The following NAV1 variants were observed in gnomAD, a reference collection of about 807,000 sequenced individuals.
The protein encoded by NAV1 is pore membrane and/or filament interacting like protein 3.
NAV1 carries 18 observed loss-of-function variants against 175.2 expected under a neutral mutation model. The observed-to-expected ratio is 0.10, with a 90% CI of 0.07 to 0.15. The LOEUF is 0.15. Among genes scored for constraint, NAV1 ranks in the 10% least tolerant of loss-of-function variants. NAV1 has a pLI of 1.00. For synonymous variants in NAV1, 897 were observed against 978.7 expected (o/e 0.92, Z 1.56); for missense variants, 1,731 against 2,436.6 (o/e 0.71, Z 6.10).
intron 1 of NAV1, among the ~76,000 whole-genome samples, chr1:201,688,836 G>A (rs1023688648): frequency 6.6e-6 from 1 of 152,184 alleles, no homozygotes; most frequent in Non-Finnish European, 1.5e-5. Flanking sequence ...GAATGAAATT[G>A]GCTCTCACTT....
intron 1 of NAV1, among the ~76,000 whole-genome samples, chr1:201,659,975 G>A (rs1441106597): frequency 6.6e-6 from 1 of 152,176 alleles, no homozygotes; most frequent in Non-Finnish European, 1.5e-5. Flanking sequence ...ATCTGGTTTT[G>A]CCGTGGAGTC....
At chr1:201,556,942 T>C (rs1666036626) in intron 1 of NAV1, among the ~76,000 whole-genome samples, 1 of 152,152 alleles carries the variant, frequency 6.6e-6, no homozygotes, top group South Asian at 2.1e-4. Context: ...CTCAGACCAG[T>C]AGACTCGTCT....
intron 1 of NAV1, 96 bp from the exon 6 acceptor site, chr1:201,712,721 C>A: frequency 2.4e-6 from 2 of 828,948 alleles, no homozygotes; most frequent in Admixed American, 1.8e-5. Flanking sequence ...CAGGGACTAG[C>A]CTCCTGGGGA....
At chr1:201,571,064 C>T (rs758925561) in intron 1 of NAV1, among the ~76,000 whole-genome samples, 4 of 152,226 alleles carry the variant, frequency 2.6e-5, no homozygotes, top group Admixed American at 6.5e-5. Context: ...GTATCAGCCC[C>T]GCCAGGTCTG....
At chr1:201,602,078 A>G (rs1667530931) in intron 2 of NAV1, among the ~76,000 whole-genome samples, 1 of 151,512 alleles carries the variant, frequency 6.6e-6, no homozygotes, top group African/African-American at 2.4e-5. Flanking sequence ...TCAAAAGTCC[A>G]CCTTTTAAGG....
chr1:201,597,902 G>T (rs620078), intron 2 of NAV1, among the ~76,000 whole-genome samples: 7,200 of 152,274 alleles, frequency 0.047, 399 homozygotes, highest in East Asian at 0.15. Flanking sequence ...AGATTCCAGA[G>T]AGCAGAGTCG....
At chr1:201,798,390 C>T (rs1677593097) in intron 15 of NAV1, 1 of 152,132 alleles carries the variant, frequency 6.6e-6, no homozygotes. Context: ...GCTATAATCC[C>T]AGCACTTCAG....
At chr1:201,754,293 C>T (rs1429034996) in intron 3 of NAV1, among the ~76,000 whole-genome samples, 3 of 152,022 alleles carry the variant, frequency 2.0e-5, no homozygotes, top group Non-Finnish European at 4.4e-5. Context: ...AGTCAAGAGC[C>T]ACATATAATG....
chr1:201,702,430 G>A (rs1054009493), intron 1 of NAV1, among the ~76,000 whole-genome samples: 6 of 151,960 alleles, frequency 3.9e-5, no homozygotes, highest in Non-Finnish European at 7.4e-5. Context: ...GCAATGGTGC[G>A]ATCTCAGCTC....
At chr1:201,724,133 C>G (rs941523047) in intron 3 of NAV1, 1 of 152,166 alleles carries the variant, frequency 6.6e-6, no homozygotes, top group Non-Finnish European at 1.5e-5. Context: ...AGGGTAATAT[C>G]CAAATCATGA....
intron 1 of NAV1, among the ~76,000 whole-genome samples, chr1:201,581,902 C>T (rs574587484): frequency 6.6e-6 from 1 of 152,240 alleles, no homozygotes; most frequent in South Asian, 2.1e-4. Flanking sequence ...AAACACCATC[C>T]TGGCTAACAC....
chr1:201,658,273 G>T (rs1001555785), intron 1 of NAV1, among the ~76,000 whole-genome samples: 4 of 152,146 alleles, frequency 2.6e-5, no homozygotes, highest in Non-Finnish European at 5.9e-5. Flanking sequence ...GGAGATAGAA[G>T]TGTCCAGGCT....
chr1:201,580,451 T>G (rs1666817321), intron 1 of NAV1, among the ~76,000 whole-genome samples: 1 of 152,112 alleles, frequency 6.6e-6, no homozygotes, highest in Non-Finnish European at 1.5e-5. Context: ...AGCAAACAAA[T>G]AGATCAATAC....
intron 1 of NAV1, among the ~76,000 whole-genome samples, chr1:201,690,719 G>T (rs1670889305): frequency 6.6e-6 from 1 of 151,300 alleles, no homozygotes; most frequent in South Asian, 2.1e-4. Context: ...TCCTTGGCCT[G>T]TCCGTGGCAG....
chr1:201,644,180 TTCATTGA>T, upstream of NAV1, among the ~76,000 whole-genome samples: 1 of 152,320 alleles, frequency 6.6e-6, no homozygotes, highest in East Asian at 1.9e-4. Context: ...ACATAACCTC[TTCATTGA>T]TCATTGATGG....
chr1:201,780,903 A>C (rs1676282707), intron 4 of NAV1, 109 bp from the exon 9 acceptor site: 1 of 1,256,682 alleles, frequency 8.0e-7, no homozygotes, highest in Non-Finnish European at 1.1e-6. Context: ...GTTTGACTTA[A>C]TACTCTGAGA....
chr1:201,696,197 G>C (rs1671183021), intron 1 of NAV1, among the ~76,000 whole-genome samples: 1 of 152,212 alleles, frequency 6.6e-6, no homozygotes, highest in South Asian at 2.1e-4. Flanking sequence ...GGTTGGGAGA[G>C]GATGGGAGCA....
intron 1 of NAV1, among the ~76,000 whole-genome samples, chr1:201,557,894 G>A (rs572143425): frequency 6.6e-6 from 1 of 152,176 alleles, no homozygotes. Context: ...CCATCTATGT[G>A]CTGGGCGGTG....
intron 1 of NAV1, among the ~76,000 whole-genome samples, chr1:201,627,588 A>G (rs1668371120): frequency 7.4e-6 from 1 of 135,916 alleles, no homozygotes; most frequent in African/African-American, 2.8e-5. Context: ...GCCTATTCTT[A>G]TTTTTAACAC....
Sources: gnomAD v4.1 joint callset for allele counts (sites outside exome capture counted in the v4.1 genomes callset) on GRCh38, gnomAD v4.1.1 for gene constraint, MANE v1.5 for transcripts, NCBI Gene and HGNC (gene_info 2026-07-23, HGNC 2026-07-21) for gene names.